The following KCTD16 variants were observed in gnomAD, a reference collection of about 807,000 sequenced individuals.
KCTD16 encodes the protein BTB/POZ domain-containing protein KCTD16.
Under a neutral mutation model 33.2 loss-of-function variants are expected in KCTD16, and 13 were observed. The ratio of observed to expected loss-of-function variants is 0.39; its 90% CI spans 0.25 to 0.62. The LOEUF is 0.62. KCTD16 is among the 20% of genes least tolerant of loss of function. KCTD16 has a pLI of 0.50. For missense variants in KCTD16, 441 were observed against 525.1 expected, an observed-to-expected ratio of 0.84 and a Z score of 1.57; for synonymous variants, 197 against 195.3, an observed-to-expected ratio of 1.01 and a Z score of -0.07.
chr5:144,261,351 G>A (rs1235828318), intron 3 of KCTD16, among the ~76,000 whole-genome samples: 1 of 152,010 alleles, frequency 6.6e-6, no homozygotes, highest in Admixed American at 6.6e-5. Context: ...TGAAAGTAGG[G>A]GGTTTTCTTA....
At chr5:144,369,134 G>C (rs1751906349) in intron 3 of KCTD16, among the ~76,000 whole-genome samples, 2 of 152,160 alleles carry the variant, frequency 1.3e-5, no homozygotes, top group African/African-American at 2.4e-5. Flanking sequence ...TGCACCTGCA[G>C]AAAGTGGCTG....
At chr5:144,353,145 C>T (rs921942638) in intron 3 of KCTD16, among the ~76,000 whole-genome samples, 2 of 152,176 alleles carry the variant, frequency 1.3e-5, no homozygotes, top group Non-Finnish European at 2.9e-5. Flanking sequence ...TCCCAAGGGG[C>T]CCTACCCAGA....
intron 3 of KCTD16, among the ~76,000 whole-genome samples, chr5:144,226,501 C>T (rs1753934376): frequency 6.6e-6 from 1 of 151,846 alleles, no homozygotes; most frequent in Non-Finnish European, 1.5e-5. Context: ...TAAAATTGAT[C>T]TTATTGTTTC....
rs989097053 is a variant in KCTD16, at chr5:144,476,547, A to G, written c.*2433A>G. 1.3e-5 allele frequency: 2 copies of G among 152,158 alleles called. No homozygotes were observed. The highest frequency in any genetic ancestry group is 4.8e-5 in the African/African-American group (2 of 41,436). 9.4% of individuals were successfully genotyped at this position (152,158 alleles called of 1,614,324 possible). On this transcript the variant is annotated 3_prime_UTR_variant, in exon 4 of 4. Transcript: ENST00000512467. ...AATAGAAAACCTGTTTAAAACCATC[A>G]CAACAGCAATATTTTTATTCTGGGC...
intron 3 of KCTD16, among the ~76,000 whole-genome samples, chr5:144,309,437 G>A (rs1751700944): frequency 2.0e-5 from 3 of 151,580 alleles, no homozygotes; most frequent in South Asian, 2.1e-4. Flanking sequence ...AAACTCAGGC[G>A]GTGCAAAATG....
At chr5:144,402,797 AT>A (rs1210003154) in intron 3 of KCTD16, among the ~76,000 whole-genome samples, 1 of 152,188 alleles carries the variant, frequency 6.6e-6, no homozygotes, top group East Asian at 1.9e-4. Flanking sequence ...GGTTTTTAAA[AT>A]TACCTAGTGC....
At chr5:144,236,563 A>G (rs1754259930) in intron 3 of KCTD16, among the ~76,000 whole-genome samples, 1 of 152,188 alleles carries the variant, frequency 6.6e-6, no homozygotes, top group South Asian at 2.1e-4. Flanking sequence ...TACACAACTC[A>G]TATTTTGTGA....
At chr5:144,202,971 C>T (rs1277273938) in intron 2 of KCTD16, among the ~76,000 whole-genome samples, 1 of 152,114 alleles carries the variant, frequency 6.6e-6, no homozygotes, top group African/African-American at 2.4e-5. Flanking sequence ...TACATGGCCC[C>T]CGCACCTGTT....
chr5:144,210,102 G>A (rs1753328147), intron 3 of KCTD16, among the ~76,000 whole-genome samples: 2 of 151,774 alleles, frequency 1.3e-5, no homozygotes, highest in African/African-American at 4.8e-5. Context: ...TTCCCTGTTT[G>A]CCTATTTTTT....
intron 3 of KCTD16, among the ~76,000 whole-genome samples, chr5:144,335,884 G>T (rs188961962): frequency 9.2e-5 from 14 of 152,276 alleles, no homozygotes; most frequent in Non-Finnish European, 1.6e-4. Context: ...AAATGGAGTT[G>T]TAGCTTAGAA....
At chr5:144,260,170 C>G (rs1342512461) in intron 3 of KCTD16, among the ~76,000 whole-genome samples, 2 of 152,168 alleles carry the variant, frequency 1.3e-5, no homozygotes, top group Non-Finnish European at 2.9e-5. Flanking sequence ...AAGAAAAAGT[C>G]CTGAGAAGTA....
At chr5:144,446,966 A>T (rs2126981666) in intron 3 of KCTD16, among the ~76,000 whole-genome samples, 1 of 152,272 alleles carries the variant, frequency 6.6e-6, no homozygotes, top group Middle Eastern at 3.4e-3. Flanking sequence ...GTGGGAGTGT[A>T]AATTAGTTCA....
At chr5:144,181,845 G>C (rs1406700146) in intron 2 of KCTD16, among the ~76,000 whole-genome samples, 1 of 152,166 alleles carries the variant, frequency 6.6e-6, no homozygotes, top group Non-Finnish European at 1.5e-5. Context: ...TGTAATCCTA[G>C]CACTTTGGGA....
intron 3 of KCTD16, among the ~76,000 whole-genome samples, chr5:144,236,591 G>A (rs947398247): frequency 2.6e-5 from 4 of 152,104 alleles, no homozygotes; most frequent in African/African-American, 4.8e-5. Flanking sequence ...TAAAGATTAC[G>A]AAAGGTGCCA....
chr5:144,212,457 A>G (rs1753427259), intron 3 of KCTD16, among the ~76,000 whole-genome samples: 1 of 152,126 alleles, frequency 6.6e-6, no homozygotes, highest in South Asian at 2.1e-4. Flanking sequence ...AGTTGCCCCC[A>G]AGTGTTCTGA....
At chr5:144,227,054 G>A (rs975191147) in intron 3 of KCTD16, among the ~76,000 whole-genome samples, 5 of 152,202 alleles carry the variant, frequency 3.3e-5, no homozygotes, top group African/African-American at 1.2e-4. Context: ...ACACATAGCT[G>A]TCTGCCTTCA....
At chr5:144,421,473 C>T (rs144419457) in intron 3 of KCTD16, among the ~76,000 whole-genome samples, 4 of 152,192 alleles carry the variant, frequency 2.6e-5, no homozygotes, top group Non-Finnish European at 2.9e-5. Context: ...TATTTTTGTG[C>T]GTACCTGGGA....
intron 3 of KCTD16, among the ~76,000 whole-genome samples, chr5:144,385,973 G>T (rs1322670765): frequency 6.6e-6 from 1 of 151,898 alleles, no homozygotes. Context: ...AGAGAGTGAG[G>T]CTGAGCTATC....
At chr5:144,408,547 A>G (rs940642564) in intron 3 of KCTD16, among the ~76,000 whole-genome samples, 4 of 152,320 alleles carry the variant, frequency 2.6e-5, no homozygotes, top group African/African-American at 9.6e-5. Flanking sequence ...TAATTCCCCA[A>G]ATTTTCACCC....
Sources: gnomAD v4.1 joint callset for allele counts (sites outside exome capture counted in the v4.1 genomes callset) on GRCh38, gnomAD v4.1.1 for gene constraint, MANE v1.5 for transcripts, NCBI Gene and HGNC (gene_info 2026-07-23, HGNC 2026-07-21) for gene names.